Variants in CTNNA3 observed in about 807,000 individuals in gnomAD.
The protein encoded by CTNNA3 is catenin alpha 3.
Under a neutral mutation model 95.7 loss-of-function variants are expected in CTNNA3, and 76 were observed. The ratio of observed to expected loss-of-function variants is 0.79; its 90% CI spans 0.66 to 0.96. The LOEUF (loss-of-function observed/expected upper bound fraction) is 0.96. CTNNA3 is among the 40% of genes least tolerant of loss of function. CTNNA3 has a pLI of 0.00. For missense variants in CTNNA3, 1,191 were observed against 1,089.8 expected, an observed-to-expected ratio of 1.09 and a Z score of -1.31; for synonymous variants, 431 against 374.4, an observed-to-expected ratio of 1.15 and a Z score of -1.74.
chr10:67,564,914 T>A (rs1841700181), intron 3 of CTNNA3, among the ~76,000 whole-genome samples: 1 of 108,586 alleles, frequency 9.2e-6, no homozygotes, highest in Non-Finnish European at 1.6e-5. Flanking sequence ...ATAGAAGGAA[T>A]CTCCCTGAAA....
At chr10:66,326,293 A>G (rs907774059) in intron 12 of CTNNA3, among the ~76,000 whole-genome samples, 1 of 151,928 alleles carries the variant, frequency 6.6e-6, no homozygotes, top group Non-Finnish European at 1.5e-5. Flanking sequence ...TGCTCTCATC[A>G]CTCTTTATGC....
intron 1 of CTNNA3, among the ~76,000 whole-genome samples, chr10:67,689,757 TAG>T (rs1840806625): frequency 6.6e-6 from 1 of 152,018 alleles, no homozygotes; most frequent in Admixed American, 6.6e-5. Flanking sequence ...CCCAACTCCA[TAG>T]AGTCAGGGAT....
chr10:67,677,579 A>T (rs1840557597), intron 1 of CTNNA3, among the ~76,000 whole-genome samples: 1 of 152,084 alleles, frequency 6.6e-6, no homozygotes, highest in Admixed American at 6.6e-5. Flanking sequence ...GGCTGGCACA[A>T]CCAATCAAAA....
intron 5 of CTNNA3, among the ~76,000 whole-genome samples, chr10:67,340,515 T>C (rs1842146594): frequency 6.6e-6 from 1 of 152,212 alleles, no homozygotes; most frequent in Non-Finnish European, 1.5e-5. Context: ...TCATAATTGT[T>C]TTACTTAAGA....
intron 9 of CTNNA3, among the ~76,000 whole-genome samples, chr10:66,635,258 C>T (rs756656727): frequency 8.6e-5 from 13 of 152,036 alleles, no homozygotes; most frequent in Non-Finnish European, 1.9e-4. Context: ...CAAATCTAAA[C>T]TATAAATTAA....
chr10:67,598,296 T>C (rs1842984034), intron 3 of CTNNA3, among the ~76,000 whole-genome samples: 1 of 151,950 alleles, frequency 6.6e-6, no homozygotes, highest in South Asian at 2.1e-4. Context: ...GATCATGGGG[T>C]CTCCTGCACC....
chr10:67,505,654 A>T (rs372689813), intron 5 of CTNNA3, among the ~76,000 whole-genome samples: 2 of 152,262 alleles, frequency 1.3e-5, no homozygotes, highest in African/African-American at 4.8e-5. Flanking sequence ...TTTTCATCCA[A>T]TAAGTACTCC....
chr10:67,694,399 A>C (rs1564833420), intron 1 of CTNNA3, among the ~76,000 whole-genome samples: 1 of 152,144 alleles, frequency 6.6e-6, no homozygotes, highest in Non-Finnish European at 1.5e-5. Flanking sequence ...GCTTTAAAAG[A>C]ATAACAGTAA....
At chr10:66,183,120 C>T (rs1312091999) in intron 13 of CTNNA3, among the ~76,000 whole-genome samples, 2 of 152,170 alleles carry the variant, frequency 1.3e-5, no homozygotes, top group Non-Finnish European at 2.9e-5. Flanking sequence ...AAAAACTACT[C>T]ACAGGAAGAA....
At chr10:67,336,045 G>C (rs544215206) in intron 5 of CTNNA3, among the ~76,000 whole-genome samples, 4 of 152,104 alleles carry the variant, frequency 2.6e-5, no homozygotes, top group Non-Finnish European at 5.9e-5. Flanking sequence ...ACAATGATCT[G>C]TGATCTATGT....
intron 17 of CTNNA3, among the ~76,000 whole-genome samples, chr10:65,943,973 C>G (rs767874178): frequency 6.6e-6 from 1 of 152,150 alleles, no homozygotes; most frequent in Non-Finnish European, 1.5e-5. Context: ...AAACCAGGAA[C>G]AAATTTACCT....
chr10:67,275,356 A>C (rs1445592914), intron 5 of CTNNA3, among the ~76,000 whole-genome samples: 2 of 152,194 alleles, frequency 1.3e-5, no homozygotes, highest in African/African-American at 2.4e-5. Flanking sequence ...CTTAGCCAAA[A>C]TAACATTAGG....
intron 1 of CTNNA3, among the ~76,000 whole-genome samples, chr10:67,726,749 T>C (rs1412802951): frequency 1.0e-5 from 1 of 99,116 alleles, no homozygotes; most frequent in African/African-American, 4.4e-5. Context: ...TTATATATGA[T>C]ATATCATAGA....
At chr10:65,991,292 C>T (rs1304021094) in intron 15 of CTNNA3, among the ~76,000 whole-genome samples, 1 of 151,970 alleles carries the variant, frequency 6.6e-6, no homozygotes, top group African/African-American at 2.4e-5. Context: ...TCTTCTGTTT[C>T]TGTGAAGAAT....
At chr10:67,237,517 C>T (rs1261941063) in intron 5 of CTNNA3, among the ~76,000 whole-genome samples, 1 of 151,494 alleles carries the variant, frequency 6.6e-6, no homozygotes, top group Non-Finnish European at 1.5e-5. Context: ...ACCACCTATT[C>T]CCCAATAACT....
intron 6 of CTNNA3, among the ~76,000 whole-genome samples, chr10:67,197,795 C>A (rs574554680): frequency 6.6e-6 from 1 of 152,104 alleles, no homozygotes; most frequent in Admixed American, 6.5e-5. Flanking sequence ...AAGTCATTTT[C>A]CAGTTAACTA....
intron 16 of CTNNA3, among the ~76,000 whole-genome samples, chr10:65,969,940 C>G (rs1326640954): frequency 6.6e-6 from 1 of 151,900 alleles, no homozygotes; most frequent in African/African-American, 2.4e-5. Flanking sequence ...AGATACTATA[C>G]AAAAAGGAAC....
chr10:67,277,652 A>G (rs952427134), intron 5 of CTNNA3, among the ~76,000 whole-genome samples: 5 of 152,132 alleles, frequency 3.3e-5, no homozygotes, highest in African/African-American at 1.2e-4. Flanking sequence ...TTTGCTGATA[A>G]AACAGATTGG....
chr10:66,629,468 C>T (rs537024952), intron 9 of CTNNA3, among the ~76,000 whole-genome samples: 1 of 152,058 alleles, frequency 6.6e-6, no homozygotes. Flanking sequence ...TTTGCACCAA[C>T]CTATATTTTT....
Sources: gnomAD v4.1 joint callset for allele counts (sites outside exome capture counted in the v4.1 genomes callset) on GRCh38, gnomAD v4.1.1 for gene constraint, MANE v1.5 for transcripts, NCBI Gene and HGNC (gene_info 2026-07-23, HGNC 2026-07-21) for gene names.